The following RBFOX3 variants were observed in gnomAD, a reference collection of about 807,000 sequenced individuals.
RBFOX3 encodes the protein RNA binding protein fox-1 homolog 3.
Under a neutral mutation model 48.7 loss-of-function variants are expected in RBFOX3, and 17 were observed. The ratio of observed to expected loss-of-function variants is 0.35; its 90% CI spans 0.24 to 0.52. RBFOX3 has a LOEUF of 0.52. RBFOX3 is among the 20% of genes least tolerant of loss of function. The pLI, the probability that RBFOX3 is intolerant of heterozygous loss-of-function variation, is 0.94. For synonymous variants in RBFOX3, 212 were observed against 209.5 expected, an observed-to-expected ratio of 1.01 and a Z score of -0.10; for missense variants, 382 against 497.5, an observed-to-expected ratio of 0.77 and a Z score of 2.21.
intron 2 of RBFOX3, among the ~76,000 whole-genome samples, chr17:79,478,119 C>T (rs953108953): frequency 2.0e-5 from 3 of 152,206 alleles, no homozygotes; most frequent in African/African-American, 7.2e-5. Context: ...ACGGCTCATG[C>T]GGGCAGCCTG....
At chr17:79,317,506 G>C (rs1395102653) in intron 2 of RBFOX3, among the ~76,000 whole-genome samples, 1 of 152,212 alleles carries the variant, frequency 6.6e-6, no homozygotes, top group Non-Finnish European at 1.5e-5. Context: ...GGTCCACCCT[G>C]GAGGGTTCTG....
In RBFOX3 at chr17:79,423,878, T is replaced by C. The variant is rs1435578053; in HGVS notation, c.-175+58576A>G. On this transcript the variant is annotated intron_variant, in intron 2 of 14. Coordinates refer to ENST00000693108, the MANE Select transcript of RBFOX3 (RefSeq NM_001350451.2). The surrounding 1 kb of genome is among the most constrained non-coding windows in gnomAD (Gnocchi z 4.9). ...CATGTGCTACCCAGAGCACGCCACA[T>C]GCCCTCAGCTCCCTGAGGCCTTTGC... 2 of 153,768 alleles carry C rather than the reference T, an allele frequency of 1.3e-5. No individual in the cohort carries two copies. The highest frequency in any genetic ancestry group is 2.9e-5 in the Non-Finnish European group (2 of 68,170). The allele number at this position is 153,768 out of a possible 1,614,324, so 9.5% of individuals were successfully genotyped here.
chr17:79,182,948 C>T (rs1196562998), intron 4 of RBFOX3, among the ~76,000 whole-genome samples: 2 of 150,774 alleles, frequency 1.3e-5, no homozygotes, highest in African/African-American at 2.4e-5. Context: ...CGCCGAGAAC[C>T]CCCGCCCCCT....
intron 2 of RBFOX3, among the ~76,000 whole-genome samples, chr17:79,444,737 G>A (rs1277769458): frequency 6.6e-6 from 1 of 151,936 alleles, no homozygotes; most frequent in Non-Finnish European, 1.5e-5. Flanking sequence ...TCAACAGCGT[G>A]CAGTAGAGAA....
the RBFOX3 span, among the ~76,000 whole-genome samples, chr17:79,628,322 T>C: frequency 6.6e-6 from 1 of 152,076 alleles, no homozygotes; most frequent in African/African-American, 2.4e-5. Context: ...CTCAGACCTC[T>C]GCAAACCTGA....
chr17:79,130,274 C>T (rs947417051), intron 4 of RBFOX3, among the ~76,000 whole-genome samples: 5 of 152,202 alleles, frequency 3.3e-5, no homozygotes, highest in Admixed American at 3.3e-4. Flanking sequence ...ACGAAGACTT[C>T]CTGGAAGGCC....
At chr17:79,131,563 T>C (rs1182408074) in intron 4 of RBFOX3, among the ~76,000 whole-genome samples, 1 of 152,228 alleles carries the variant, frequency 6.6e-6, no homozygotes, top group African/African-American at 2.4e-5. Flanking sequence ...ACTCCAAACC[T>C]GGGCCTGGTC....
intron 4 of RBFOX3, among the ~76,000 whole-genome samples, chr17:79,122,959 G>C (rs546882155): frequency 1.3e-5 from 2 of 152,088 alleles, no homozygotes; most frequent in South Asian, 4.2e-4. Context: ...GGCACAGAAA[G>C]ACAAACATCG....
At chr17:79,104,641 G>A (rs1418946551) in intron 6 of RBFOX3, among the ~76,000 whole-genome samples, 2 of 152,226 alleles carry the variant, frequency 1.3e-5, no homozygotes, top group Non-Finnish European at 2.9e-5. Flanking sequence ...TAAAGGATGG[G>A]GGAGAGGGAG....
chr17:79,330,464 T>C (rs75685710), intron 2 of RBFOX3, among the ~76,000 whole-genome samples: 1 of 147,758 alleles, frequency 6.8e-6, no homozygotes, highest in Non-Finnish European at 1.5e-5. Context: ...TGGTTTTTTT[T>C]CTTTTCACGC....
chr17:79,335,803 C>T (rs898034272), intron 2 of RBFOX3, among the ~76,000 whole-genome samples: 1 of 152,336 alleles, frequency 6.6e-6, no homozygotes, highest in Non-Finnish European at 1.5e-5. Context: ...CAAAGCCTTC[C>T]CTGGCACCGC....
chr17:79,240,291 A>C (rs570218224), intron 3 of RBFOX3, among the ~76,000 whole-genome samples: 2 of 152,356 alleles, frequency 1.3e-5, no homozygotes, highest in East Asian at 3.8e-4. Flanking sequence ...ACAACTGGCC[A>C]GAAAAAAACC....
chr17:79,191,553 G>T (rs1010440906), intron 4 of RBFOX3, among the ~76,000 whole-genome samples: 1 of 152,200 alleles, frequency 6.6e-6, no homozygotes, highest in African/African-American at 2.4e-5. Flanking sequence ...CTGGCAGAGT[G>T]CGTGGCCCTG....
At chr17:79,158,521 T>C (rs2046303247) in intron 4 of RBFOX3, among the ~76,000 whole-genome samples, 1 of 152,170 alleles carries the variant, frequency 6.6e-6, no homozygotes, top group South Asian at 2.1e-4. Context: ...GGCACCTTGC[T>C]TGCAGCTCTC....
At chr17:79,297,323 C>T (rs1188232894) in intron 3 of RBFOX3, among the ~76,000 whole-genome samples, 1 of 152,210 alleles carries the variant, frequency 6.6e-6, no homozygotes, top group Middle Eastern at 3.2e-3. Flanking sequence ...AGGTGCCCCT[C>T]ATGTGAGCTA....
chr17:79,092,390 GACAC>G, intron 14 of RBFOX3: 1 of 985,742 alleles, frequency 1.0e-6, no homozygotes, highest in Non-Finnish European at 1.2e-6. Flanking sequence ...CAGGGTCAAA[GACAC>G]ACACACCAGC....
chr17:79,472,558 T>C (rs1246847548), intron 2 of RBFOX3, among the ~76,000 whole-genome samples: 1 of 152,152 alleles, frequency 6.6e-6, no homozygotes, highest in African/African-American at 2.4e-5. Flanking sequence ...AAGATGACCA[T>C]CTACAAGCCA....
chr17:79,128,771 C>T (rs1443708196), intron 4 of RBFOX3, among the ~76,000 whole-genome samples: 1 of 152,220 alleles, frequency 6.6e-6, no homozygotes, highest in African/African-American at 2.4e-5. Flanking sequence ...ACCTCTCACT[C>T]CAGGGCAATC....
At chr17:79,239,512 G>A (rs2062062122) in intron 3 of RBFOX3, among the ~76,000 whole-genome samples, 3 of 152,296 alleles carry the variant, frequency 2.0e-5, no homozygotes, top group South Asian at 2.1e-4. Context: ...AGCAAGACCC[G>A]CCTGCCAGGC....
Sources: gnomAD v4.1 joint callset for allele counts (sites outside exome capture counted in the v4.1 genomes callset) on GRCh38, gnomAD v4.1.1 for gene constraint, Gnocchi (gnomAD v3.1) non-coding constraint, MANE v1.5 for transcripts, NCBI Gene and HGNC (gene_info 2026-07-23, HGNC 2026-07-21) for gene names.